Variants in ATP6V0A1 observed in about 807,000 individuals in gnomAD.
The protein encoded by ATP6V0A1 is V-type proton ATPase 116 kDa subunit a 1.
ATP6V0A1 carries 43 observed loss-of-function variants against 105.4 expected under a neutral mutation model. The ratio of observed to expected loss-of-function variants is 0.41; its 90% CI spans 0.32 to 0.53. ATP6V0A1 has a LOEUF of 0.53. ATP6V0A1 is among the 20% of genes least tolerant of loss of function. The pLI is 0.30. For missense variants in ATP6V0A1, 676 were observed against 1,051.1 expected, an observed-to-expected ratio of 0.64 and a Z score of 4.93; for synonymous variants, 362 against 372.8, an observed-to-expected ratio of 0.97 and a Z score of 0.33.
Position 42,458,881 on chromosome 17 carries a change from T to A in ATP6V0A1, c.-130T>A, listed in dbSNP as rs971756352. The A allele has an allele frequency of 6.5e-6, 1 of 153,308 alleles. No homozygotes were observed. The highest frequency in any genetic ancestry group is 1.5e-5 in the Non-Finnish European group (1 of 68,662). The allele number at this position is 153,308 out of a possible 1,614,324, so 9.5% of individuals were successfully genotyped here. The stretch of plus-strand genomic sequence containing the variant: ...GCGGGGCTTTACGGACGCAAGCACG[T>A]CGAAGCGCTGCTCCTGGAGCCGCGG... On this transcript the variant is annotated 5_prime_UTR_variant, in exon 1 of 22. Coordinates refer to ENST00000343619, the MANE Select transcript of ATP6V0A1 (RefSeq NM_001130021.3).
intron 16 of ATP6V0A1, 44 bp downstream of exon 16, chr17:42,500,967 A>G: frequency 6.4e-7 from 1 of 1,567,990 alleles, no homozygotes; most frequent in East Asian, 2.2e-5. Flanking sequence ...ATTATACTTG[A>G]TCAGGAAGCC....
At chr17:42,460,759 A>C (rs1320210223) in intron 1 of ATP6V0A1, 89 bp from the exon 2 acceptor site, 20 of 690,358 alleles carry the variant, frequency 2.9e-5, no homozygotes, top group Non-Finnish European at 1.3e-5. Flanking sequence ...GGGTGTTAGA[A>C]ATGTAAATGC....
intron 5 of ATP6V0A1, among the ~76,000 whole-genome samples, chr17:42,474,891 G>T (rs1172008454): frequency 1.3e-5 from 2 of 152,174 alleles, no homozygotes; most frequent in Admixed American, 6.5e-5. Context: ...GATTAAAGAT[G>T]ATTACAAATT....
In ATP6V0A1 at chr17:42,470,207, T is replaced by G. The variant is rs781021955; in HGVS notation, c.412T>G (p.Phe138Val). Reference sequence around the variant, plus strand: ...ATTTATACTTCGCAAAACTCAGCAATTTTTTGATGAGGTCAGACTATTGTT... The same window carrying G: ...ATTTATACTTCGCAAAACTCAGCAAGTTTTTGATGAGGTCAGACTATTGTT... Reference protein sequence around the residue: ...LKFILRKTQQFFDEMADPDLL... With the variant: ...LKFILRKTQQVFDEMADPDLL... The change falls in exon 5 of 22, where the codon TTT (phenylalanine) becomes GTT (valine). Residue 138 changes from phenylalanine to valine, a missense_variant. By Grantham distance (50) the Phe-to-Val change is conservative. Coordinates refer to ENST00000343619, the MANE Select transcript of ATP6V0A1 (RefSeq NM_001130021.3). The G allele has an allele frequency of 6.2e-7, 1 of 1,612,926 alleles. No homozygotes were observed. The highest frequency in any genetic ancestry group is 1.3e-5 in the African/African-American group (1 of 75,036).
intron 10 of ATP6V0A1, among the ~76,000 whole-genome samples, chr17:42,487,948 C>T (rs976129395): frequency 2.6e-5 from 4 of 152,154 alleles, no homozygotes; most frequent in African/African-American, 9.7e-5. Flanking sequence ...ATAATTTGGT[C>T]ATATGCCCAT....
chr17:42,490,744 A>G, intron 11 of ATP6V0A1, 107 bp downstream of exon 11: 1 of 1,257,332 alleles, frequency 8.0e-7, no homozygotes. Flanking sequence ...GCTGGAGTGC[A>G]GCAGCACGAC....
intron 13 of ATP6V0A1, 24 bp from the exon 14 acceptor site, chr17:42,495,602 G>T: frequency 6.4e-7 from 1 of 1,569,100 alleles, no homozygotes; most frequent in Non-Finnish European, 8.8e-7. Flanking sequence ...CAAAAATAAT[G>T]TGACTTTTTC....
At chr17:42,507,314 A>G (rs560600063) in intron 17 of ATP6V0A1, 6 of 508,470 alleles carry the variant, frequency 1.2e-5, no homozygotes, top group African/African-American at 9.7e-5. Flanking sequence ...TAAGGTGGTA[A>G]TTGTAGGTTG....
chr17:42,474,337 T>C (rs77934979), intron 5 of ATP6V0A1, among the ~76,000 whole-genome samples: 11 of 151,828 alleles, frequency 7.2e-5, no homozygotes, highest in African/African-American at 2.2e-4. Context: ...TTTTTTTTTT[T>C]CCAGTCTCTG....
intron 21 of ATP6V0A1, chr17:42,517,844 T>C (rs1236088311): frequency 6.6e-6 from 1 of 152,258 alleles, no homozygotes; most frequent in Non-Finnish European, 1.5e-5. Context: ...TGTTTCCTGA[T>C]TCAAGGGCTG....
chr17:42,479,463 G>C (rs1398537002), intron 7 of ATP6V0A1, among the ~76,000 whole-genome samples: 1 of 152,192 alleles, frequency 6.6e-6, no homozygotes, highest in African/African-American at 2.4e-5. Flanking sequence ...CTGCATTTAG[G>C]TATGGTGAGT....
At chr17:42,495,254 C>T (rs2091043465) in intron 13 of ATP6V0A1, 66 bp downstream of exon 13, 1 of 1,538,852 alleles carries the variant, frequency 6.5e-7, no homozygotes, top group South Asian at 1.2e-5. Context: ...ATTTTTAAGA[C>T]AAGTGGTAAA....
At chr17:42,493,142 A>G (rs2090822926) in intron 11 of ATP6V0A1, among the ~76,000 whole-genome samples, 1 of 152,158 alleles carries the variant, frequency 6.6e-6, no homozygotes, top group Non-Finnish European at 1.5e-5. Flanking sequence ...GATGTCTGAT[A>G]TTTTTAAATG....
At position 42,504,142 on chromosome 17, in the gene ATP6V0A1, C is replaced by G. The variant is rs115669764; in HGVS notation, c.2004+2838C>G. On this transcript the variant is annotated intron_variant, in intron 17 of 21. Transcript: ENST00000343619. ...CCAAACATCTGTTCCTGGAGAGCAG[C>G]CTGAAGGCATCAGGATGATCAGTCT... Among the ~76,000 whole-genome samples the G allele has an allele frequency of 2.5e-3, 380 of 152,296 alleles. 3 individuals are homozygous for G. The highest frequency in any genetic ancestry group is 8.7e-3 in the African/African-American group (360 of 41,554).
chr17:42,490,612 T>C lies in ATP6V0A1; in HGVS notation c.1149T>C (p.Ile383=), dbSNP rs1345804122. The change falls in exon 11 of 22, where the codon ATT becomes ATC. Residue 383 remains isoleucine, a synonymous_variant. Transcript: ENST00000343619. Reference sequence around the variant, plus strand: ...AGAACATAGTAGATGCTTATGGAATTGGAACTTACCGAGAGATAAATCCAG... The same window carrying C: ...AGAACATAGTAGATGCTTATGGAATCGGAACTTACCGAGAGATAAATCCAG... ...GFQNIVDAYG[I]GTYREINPAP... The C allele has an allele frequency of 6.2e-7, 1 of 1,603,612 alleles. No homozygotes were observed. Among genetic ancestry groups the C allele is most frequent in the South Asian group, 1.1e-5 (1 of 88,306 alleles).
At chr17:42,499,503 T>C (rs1340008612) in intron 15 of ATP6V0A1, among the ~76,000 whole-genome samples, 1 of 150,458 alleles carries the variant, frequency 6.6e-6, no homozygotes, top group East Asian at 2.0e-4. Context: ...AATTTCATGG[T>C]CTGGCCGGGT....
At chr17:42,502,493 C>CGT (rs1458320724) in intron 17 of ATP6V0A1, among the ~76,000 whole-genome samples, 3 of 148,900 alleles carry the variant, frequency 2.0e-5, no homozygotes, top group African/African-American at 7.8e-5. Flanking sequence ...GAATTCTGCG[C>CGT]GCGCACACAC....
intron 2 of ATP6V0A1, among the ~76,000 whole-genome samples, chr17:42,464,612 C>T (rs1447510263): frequency 6.6e-6 from 1 of 152,040 alleles, no homozygotes; most frequent in Non-Finnish European, 1.5e-5. Flanking sequence ...ACTGTGTTGG[C>T]CGGGCTGGTC....
chr17:42,485,338 A>C (rs1365967275), intron 9 of ATP6V0A1, among the ~76,000 whole-genome samples: 1 of 152,200 alleles, frequency 6.6e-6, no homozygotes, highest in African/African-American at 2.4e-5. Context: ...TTCCAGACCT[A>C]TGGGTAGATT....
Sources: gnomAD v4.1 joint callset for allele counts (sites outside exome capture counted in the v4.1 genomes callset) on GRCh38, gnomAD v4.1.1 for gene constraint, MANE v1.5 for transcripts, NCBI Gene and HGNC (gene_info 2026-07-23, HGNC 2026-07-21) for gene names.